Variants in SPO11 observed in about 807,000 individuals in gnomAD.
SPO11 encodes the protein meiotic recombination protein SPO11.
Under a neutral mutation model 51.6 loss-of-function variants are expected in SPO11, and 49 were observed. That is an observed-to-expected ratio of 0.95 (90% CI 0.75 to 1.20). SPO11 has a LOEUF of 1.20. Ranked by LOEUF, SPO11 falls within the 50% of genes most tolerant of loss-of-function variation. SPO11 has a pLI of 0.00. For missense variants in SPO11, 431 were observed against 473.4 expected, an observed-to-expected ratio of 0.91 and a Z score of 0.83; for synonymous variants, 176 against 158.2, an observed-to-expected ratio of 1.11 and a Z score of -0.84.
intron 8 of SPO11, among the ~76,000 whole-genome samples, chr20:57,336,367 C>G (rs970243627): frequency 1.3e-5 from 2 of 152,150 alleles, no homozygotes; most frequent in African/African-American, 4.8e-5. Flanking sequence ...TCTTTCATTT[C>G]AGCCCTTTCT....
At chr20:57,338,402 C>G in intron 9 of SPO11, 27 bp downstream of exon 9, 1 of 1,377,924 alleles carries the variant, frequency 7.3e-7, no homozygotes, top group Non-Finnish European at 1.0e-6. Context: ...CTATTTACAA[C>G]AATAGTCATA....
rs1211787505 is a variant in SPO11, at chr20:57,335,432, C to T, written c.611C>T (p.Pro204Leu). ...CTCGATAVAV[P>L]SNIQGIRNLV... ...TTTTTTTAAAAGGCTGTTGCTGTGCCATCGAATATTCAAGGAATTCGGAGT... is the reference window on the plus strand; with the variant it reads ...TTTTTTTAAAAGGCTGTTGCTGTGCTATCGAATATTCAAGGAATTCGGAGT... Residue 204 changes from proline to leucine, a missense_variant, in exon 7 of 13, where the codon CCA (proline) becomes CTA (leucine). By Grantham distance (98) the Pro-to-Leu change is moderately conservative. Around this residue, in one of 3 missense-constraint regions of SPO11, gnomAD observed 405 missense variants for 425.9 expected, o/e 0.95. Coordinates refer to ENST00000371263, the MANE Select transcript of SPO11 (RefSeq NM_012444.3). 60 of 1,609,666 alleles carry T rather than the reference C, an allele frequency of 3.7e-5. No homozygotes were observed. Among genetic ancestry groups the T allele is most frequent in the Non-Finnish European group, 5.1e-5 (60 of 1,178,568 alleles).
At chr20:57,339,275 C>G (rs2066551123) in intron 10 of SPO11, among the ~76,000 whole-genome samples, 2 of 152,112 alleles carry the variant, frequency 1.3e-5, no homozygotes, top group Admixed American at 1.3e-4. Flanking sequence ...ATCCTGCACT[C>G]TCTTGGCATA....
At chr20:57,331,406 CAAAGCCAATAT>C (rs1364367306) in intron 1 of SPO11, among the ~76,000 whole-genome samples, 4 of 152,176 alleles carry the variant, frequency 2.6e-5, no homozygotes, top group Non-Finnish European at 5.9e-5. Flanking sequence ...GAAAGAAATT[CAAAGCCAATAT>C]TGTATCACTT....
rs755309591 is a variant in SPO11 at position 57,343,378 on chromosome 20, T to C, written c.1109T>C (p.Ile370Thr). Residue 370 changes from isoleucine to threonine, a missense_variant, in exon 13 of 13, where the codon ATT becomes ACT. By Grantham distance (89) the Ile-to-Thr change is moderately conservative. This residue lies in a region of SPO11 where 23 missense variants were observed against 27.3 expected (regional missense o/e 0.84). Coordinates refer to ENST00000371263, the MANE Select transcript of SPO11 (RefSeq NM_012444.3). ...IMADSKMKAE[I>T]QALTFLSSDY... is the part of the protein sequence containing the mutation. ...GCAGACTCTAAAATGAAGGCAGAAA[T>C]TCAAGCTTTGACTTTCCTATCATCA... 1.9e-6 allele frequency: 3 copies of C among 1,610,690 alleles called. No individual in the cohort carries two copies. The East Asian group carries it at 6.7e-5, about 36-fold the overall frequency.
rs2066609972 is a variant in SPO11 at position 57,343,601 on chromosome 20, T to A, written c.*141T>A. On this transcript the variant is annotated 3_prime_UTR_variant, in exon 13 of 13. Transcript: ENST00000371263. The stretch of plus-strand genomic sequence containing the variant: ...AAAATAACTTTCCGTTAATTATATA[T>A]TTTTGTCAAAACAAATGCTGTACTC... The A allele has an allele frequency of 1.1e-5, 11 of 1,036,970 alleles. No homozygotes were observed. The South Asian group carries it at 2.1e-4, about 20-fold the overall frequency. 64.2% of individuals were successfully genotyped at this position (1,036,970 alleles called of 1,614,324 possible). A position where few individuals can be genotyped will look rare whatever the true frequency, so the allele number is the denominator to read the frequency against.
In SPO11 at chr20:57,333,254, AC is replaced by A. The variant is rs1343997115; in HGVS notation, c.314del (p.Pro105GlnfsTer9). The A allele has an allele frequency of 6.2e-7, 1 of 1,607,940 alleles. No homozygotes were observed. The highest frequency in any genetic ancestry group is 2.2e-5 in the East Asian group (1 of 44,668). On this transcript the variant is annotated frameshift_variant, in exon 3 of 13. Transcript: ENST00000371263. LOFTEE classifies it high-confidence loss of function. Reference sequence around the variant, plus strand: ...CCACCAGAAAGATCAAAAGTGATTCACCAAAATCAGCTCAAAAATTTTGTAA... The same window carrying A: ...CCACCAGAAAGATCAAAAGTGATTCACAAAATCAGCTCAAAAATTTTGTAA... ...CTTRKIKSDS[P>X]KSAQKFSLIL... is the part of the protein sequence containing the mutation.
At chr20:57,332,925 C>T (rs1360338923) in intron 2 of SPO11, among the ~76,000 whole-genome samples, 1 of 152,142 alleles carries the variant, frequency 6.6e-6, no homozygotes. Flanking sequence ...CACACAAACA[C>T]ACTCCCACAC....
intron 8 of SPO11, 41 bp downstream of exon 8, chr20:57,335,948 T>C: frequency 8.7e-7 from 1 of 1,143,106 alleles, no homozygotes; most frequent in Non-Finnish European, 1.3e-6. Flanking sequence ...GACTAATGTA[T>C]ACTGTTATGG....
At position 57,335,907 on chromosome 20, in the gene SPO11, G is replaced by T; in HGVS notation, c.744G>T (p.Thr248=). The T allele has an allele frequency of 6.4e-7, 1 of 1,569,954 alleles. No homozygotes were observed. The highest frequency in any genetic ancestry group is 8.8e-7 in the Non-Finnish European group (1 of 1,141,452). ...CNKLSPCIMI[T]GKGVPDLNTR... is the part of the protein sequence containing the mutation. ...AATTGTCTCCTTGCATCATGATTAC[G>T]GTATATTATCTAACTTTACTACAAT... Residue 248 remains threonine, a splice_region_variant and synonymous_variant, in exon 8 of 13, where the codon ACG becomes ACT. Coordinates refer to ENST00000371263, the MANE Select transcript of SPO11 (RefSeq NM_012444.3).
chr20:57,331,840 G>A lies in SPO11; in HGVS notation c.139G>A (p.Val47Ile). ...CTCTGTTTATTGTTTCAGTTCTGAG[G>A]TTCTTGCATCTATAGAAAATATTAT... ...GGSRLASSSE[V>I]LASIENIIQD... Residue 47 changes from valine to isoleucine, a missense_variant, in exon 2 of 13, where the codon GTT becomes ATT. Val to Ile is a conservative substitution (Grantham distance 29). This residue lies in a region of SPO11 where 405 missense variants were observed against 425.9 expected (regional missense o/e 0.95). Coordinates refer to ENST00000371263, the MANE Select transcript of SPO11 (RefSeq NM_012444.3). 6.3e-7 allele frequency: 1 copy of A among 1,575,042 alleles called. No homozygotes were observed. Among genetic ancestry groups the A allele is most frequent in the Non-Finnish European group, 8.6e-7 (1 of 1,160,284 alleles).
At position 57,329,832 on chromosome 20, in the gene SPO11, A is replaced by AGGGGCTTCT. The variant is rs1568754560; in HGVS notation, c.-33_-25dup. 1.9e-6 allele frequency: 3 copies of AGGGGCTTCT among 1,598,086 alleles called. No homozygotes were observed. The highest frequency in any genetic ancestry group is 1.3e-5 in the African/African-American group (1 of 74,516). Reference sequence around the variant, plus strand: ...ACGCCCCAAGGGCGCAGCCTAGGACAGGGGCTTCTGGAGCTTCTGGCAGCC... The same window carrying AGGGGCTTCT: ...ACGCCCCAAGGGCGCAGCCTAGGACAGGGGCTTCTGGGGCTTCTGGAGCTTCTGGCAGCC... On this transcript the variant is annotated 5_prime_UTR_variant, in exon 1 of 13. Transcript: ENST00000371263.
chr20:57,335,540 G>T, intron 7 of SPO11, 85 bp downstream of exon 7: 1 of 1,387,160 alleles, frequency 7.2e-7, no homozygotes, highest in South Asian at 1.3e-5. Flanking sequence ...CCTTCATAAT[G>T]TGTAAGGAAC....
At chr20:57,332,954 A>G (rs117212102) in intron 2 of SPO11, among the ~76,000 whole-genome samples, 116 of 152,346 alleles carry the variant, frequency 7.6e-4, no homozygotes, top group Admixed American at 2.2e-3. Context: ...CAAAGGTGTT[A>G]GCTCATTTAT....
chr20:57,338,396 T>C, intron 9 of SPO11, 21 bp downstream of exon 9: 1 of 1,482,688 alleles, frequency 6.7e-7, no homozygotes, highest in Non-Finnish European at 9.4e-7. Flanking sequence ...ACTGGACTAT[T>C]TACAACAATA....
At chr20:57,342,448 T>G (rs997516331) in intron 11 of SPO11, among the ~76,000 whole-genome samples, 13 of 152,218 alleles carry the variant, frequency 8.5e-5, no homozygotes, top group Non-Finnish European at 1.6e-4. Context: ...ATAACCAATA[T>G]CAGTCTTCCT....
At chr20:57,336,050 G>T (rs1195693652) in intron 8 of SPO11, 143 bp downstream of exon 8, 2 of 576,014 alleles carry the variant, frequency 3.5e-6, no homozygotes, top group Non-Finnish European at 3.0e-6. Flanking sequence ...AATTTCCAAT[G>T]TGTTTATTTA....
chr20:57,333,078 G>A (rs538233224), intron 2 of SPO11, 110 bp from the exon 3 acceptor site: 2 of 730,802 alleles, frequency 2.7e-6, no homozygotes, highest in East Asian at 5.4e-5. Flanking sequence ...TGCTTAAATT[G>A]AGAAGAAATG....
intron 3 of SPO11, among the ~76,000 whole-genome samples, 197 bp from the exon 4 acceptor site, chr20:57,333,490 T>C (rs561414190): frequency 1.7e-4 from 26 of 152,218 alleles, no homozygotes; most frequent in Non-Finnish European, 3.1e-4. Context: ...TGCATAATTA[T>C]CCTCTCAGTT....
Sources: allele counts gnomAD v4.1 joint callset (sites outside exome capture counted in the v4.1 genomes callset), GRCh38; gene constraint gnomAD v4.1.1; regional missense constraint gnomAD v4.1.1; transcripts MANE v1.5; gene names NCBI Gene and HGNC (gene_info 2026-07-23, HGNC 2026-07-21).